The following CTNNA3 variants were observed in gnomAD, a reference collection of about 807,000 sequenced individuals.
The protein encoded by CTNNA3 is catenin alpha-3.
Under a neutral mutation model 95.7 loss-of-function variants are expected in CTNNA3, and 76 were observed. The ratio of observed to expected loss-of-function variants is 0.79; its 90% CI spans 0.66 to 0.96. The LOEUF (loss-of-function observed/expected upper bound fraction) is 0.96. Among genes scored for constraint, CTNNA3 ranks in the 40% least tolerant of loss-of-function variants. The pLI, the probability that CTNNA3 is intolerant of heterozygous loss-of-function variation, is 0.00. For missense variants in CTNNA3, 1,191 were observed against 1,089.8 expected (o/e 1.09, Z -1.31); for synonymous variants, 431 against 374.4 (o/e 1.15, Z -1.74).
chr10:67,590,102 A>C (rs1197767513), intron 3 of CTNNA3, among the ~76,000 whole-genome samples: 1 of 152,080 alleles, frequency 6.6e-6, no homozygotes, highest in African/African-American at 2.4e-5. Flanking sequence ...ATGAATACAA[A>C]ATATATTAAT....
At chr10:67,160,713 G>A (rs1382622305) in intron 7 of CTNNA3, among the ~76,000 whole-genome samples, 1 of 152,068 alleles carries the variant, frequency 6.6e-6, no homozygotes, top group Non-Finnish European at 1.5e-5. Context: ...TGGGATTACA[G>A]GTGTGAGCCA....
At chr10:65,967,532 C>T (rs557470432) in intron 16 of CTNNA3, among the ~76,000 whole-genome samples, 2 of 152,158 alleles carry the variant, frequency 1.3e-5, no homozygotes, top group Non-Finnish European at 2.9e-5. Context: ...CTACTTTCAG[C>T]ATTCAATGTA....
chr10:67,011,988 C>G (rs995418273), intron 7 of CTNNA3, among the ~76,000 whole-genome samples: 4 of 152,080 alleles, frequency 2.6e-5, no homozygotes, highest in African/African-American at 9.7e-5. Flanking sequence ...TCTGTCATTT[C>G]AAGAACTCTA....
At chr10:67,085,102 A>C (rs1589716943) in intron 7 of CTNNA3, among the ~76,000 whole-genome samples, 1 of 152,088 alleles carries the variant, frequency 6.6e-6, no homozygotes, top group Admixed American at 6.6e-5. Context: ...TTCAATATCT[A>C]CTTTGAACTG....
At chr10:67,661,303 GAAGA>G (rs906491317) in intron 1 of CTNNA3, among the ~76,000 whole-genome samples, 8 of 142,594 alleles carry the variant, frequency 5.6e-5, no homozygotes, top group African/African-American at 1.3e-4. Flanking sequence ...GGGAGGGAGG[GAAGA>G]AAGAAGGAAG....
chr10:67,310,667 T>A (rs934711556), intron 5 of CTNNA3, among the ~76,000 whole-genome samples: 8 of 152,150 alleles, frequency 5.3e-5, no homozygotes, highest in Admixed American at 6.5e-5. Flanking sequence ...AAACACATCC[T>A]TCTTCACATG....
At chr10:66,227,375 G>GT (rs34919798) in intron 13 of CTNNA3, among the ~76,000 whole-genome samples, 76,965 of 136,168 alleles carry the variant, frequency 0.57, 21,298 homozygotes, top group South Asian at 0.68. Context: ...GTTAAGAGGT[G>GT]TTTTTTTTTT....
chr10:67,445,203 T>C (rs545005182), intron 5 of CTNNA3, among the ~76,000 whole-genome samples: 165 of 146,682 alleles, frequency 1.1e-3, no homozygotes, highest in African/African-American at 4.0e-3. Flanking sequence ...ATACAACAAA[T>C]ACACACACAA....
intron 1 of CTNNA3, among the ~76,000 whole-genome samples, chr10:67,702,309 T>A (rs1244175920): frequency 1.3e-5 from 2 of 152,010 alleles, no homozygotes; most frequent in Non-Finnish European, 2.9e-5. Flanking sequence ...CCACCCCAAA[T>A]CAACAGAATA....
rs151039222 is a variant in CTNNA3, at chr10:67,242,487, G to T, written c.580-22617C>A. ...GACTACAAACTCAAATGTTTAAGCA[G>T]GAAGCGTGAATAGGGCAGATGAAAG... On this transcript the variant is annotated intron_variant, in intron 5 of 17. Transcript: ENST00000433211. Among the ~76,000 whole-genome samples the T allele has an allele frequency of 2.3e-4, 35 of 152,334 alleles. 1 individual carries two copies. The highest frequency in any genetic ancestry group is 8.4e-4 in the African/African-American group (35 of 41,582).
At chr10:66,166,583 A>G (rs1421093289) in intron 13 of CTNNA3, among the ~76,000 whole-genome samples, 2 of 151,890 alleles carry the variant, frequency 1.3e-5, no homozygotes, top group African/African-American at 4.8e-5. Flanking sequence ...AAAACTGGTA[A>G]CTCACAGAGG....
At chr10:66,125,506 A>C (rs1039395166) in intron 13 of CTNNA3, among the ~76,000 whole-genome samples, 1 of 152,206 alleles carries the variant, frequency 6.6e-6, no homozygotes, top group Non-Finnish European at 1.5e-5. Flanking sequence ...AACCATATGC[A>C]ATGATTAAAA....
intron 15 of CTNNA3, among the ~76,000 whole-genome samples, chr10:66,007,978 T>C (rs753226437): frequency 5.3e-5 from 8 of 151,906 alleles, no homozygotes; most frequent in Non-Finnish European, 7.4e-5. Context: ...CAGATCTATT[T>C]CATTTAAGGT....
intron 7 of CTNNA3, among the ~76,000 whole-genome samples, chr10:66,784,416 C>T (rs1256789899): frequency 6.6e-6 from 1 of 152,044 alleles, no homozygotes; most frequent in Non-Finnish European, 1.5e-5. Context: ...TTTGTGCAGA[C>T]ATCTTAAATT....
At chr10:67,424,599 C>T (rs1303190750) in intron 5 of CTNNA3, among the ~76,000 whole-genome samples, 1 of 152,004 alleles carries the variant, frequency 6.6e-6, no homozygotes, top group Non-Finnish European at 1.5e-5. Flanking sequence ...GATAAATTTT[C>T]CAAAAACTTT....
chr10:67,186,694 T>G (rs1361301368), intron 6 of CTNNA3, among the ~76,000 whole-genome samples: 2 of 152,236 alleles, frequency 1.3e-5, no homozygotes, highest in African/African-American at 2.4e-5. Context: ...CATTTCAGTG[T>G]GTTTCATGGC....
intron 12 of CTNNA3, among the ~76,000 whole-genome samples, chr10:66,288,438 T>G (rs7907021): frequency 0.4 from 60,220 of 151,784 alleles, 12,096 homozygotes; most frequent in African/African-American, 0.45. Context: ...AGCAATAAAT[T>G]AATGAATGAA....
At chr10:67,205,614 T>G (rs1326919837) in intron 6 of CTNNA3, among the ~76,000 whole-genome samples, 19 of 152,156 alleles carry the variant, frequency 1.2e-4, no homozygotes, top group Admixed American at 1.0e-3. Flanking sequence ...CAGAGTGAAG[T>G]GTGGATTCAA....
chr10:66,226,968 T>A (rs573231408), intron 13 of CTNNA3, among the ~76,000 whole-genome samples: 8 of 152,134 alleles, frequency 5.3e-5, no homozygotes, highest in Non-Finnish European at 7.4e-5. Flanking sequence ...GAGTCTAGAT[T>A]TTCCTATATA....
Sources: gnomAD v4.1 joint callset for allele counts (sites outside exome capture counted in the v4.1 genomes callset) on GRCh38, gnomAD v4.1.1 for gene constraint, MANE v1.5 for transcripts, NCBI Gene and HGNC (gene_info 2026-07-23, HGNC 2026-07-21) for gene names.